Variants in RARG observed in about 807,000 individuals in gnomAD.
The protein encoded by RARG is RAR-gamma.
Under a neutral mutation model 43.7 loss-of-function variants are expected in RARG, and 17 were observed. The observed-to-expected ratio is 0.39, with a 90% confidence interval of 0.27 to 0.58. The LOEUF (loss-of-function observed/expected upper bound fraction) is 0.58, where lower values mean the gene tolerates loss of function less well. RARG is among the 20% of genes least tolerant of loss of function. RARG has a pLI of 0.57. For missense variants in RARG, 346 were observed against 598.7 expected, an observed-to-expected ratio of 0.58 and a Z score of 4.40; for synonymous variants, 238 against 236.4, an observed-to-expected ratio of 1.01 and a Z score of -0.06.
chr12:53,219,805 G>T, intron 3 of RARG: 2 of 696,662 alleles, frequency 2.9e-6, no homozygotes, highest in Non-Finnish European at 4.5e-6. Context: ...GAGACGCTGA[G>T]GCCCCCACGT....
In RARG at chr12:53,232,138, C is replaced by T. The variant is rs976387420; in HGVS notation, c.-374G>A. Reference sequence around the variant, plus strand: ...CCGGGGCCTCTCGGAGCCCGCCCGCCCACGTGACCGCCCCAAAATATCCGA... The same window carrying T: ...CCGGGGCCTCTCGGAGCCCGCCCGCTCACGTGACCGCCCCAAAATATCCGA... On this transcript the variant is annotated 5_prime_UTR_variant, in exon 1 of 10. Transcript: ENST00000425354. The T allele has an allele frequency of 6.8e-5, 27 of 398,484 alleles. No individual in the cohort carries two copies. In the Middle Eastern group the frequency reaches 1.9e-3, roughly 28 times the overall value. 24.7% of individuals were successfully genotyped at this position (398,484 alleles called of 1,614,324 possible).
Position 53,214,477 on chromosome 12 carries a change from G to A in RARG, c.605C>T (p.Pro202Leu), listed in dbSNP as rs1190599963. Residue 202 changes from proline to leucine, a missense_variant, in exon 6 of 10, where the codon CCC (proline) becomes CTC (leucine). By Grantham distance (98) the Pro-to-Leu change is moderately conservative. Transcript: ENST00000425354. ...KVSKAHQETFPSLCQLGKYTT... is the reference protein window; with the variant it reads ...KVSKAHQETFLSLCQLGKYTT... ...ATACTTGCCCAGCTGGCAGAGCGAGGGGAAAGTCTCCTGATGGGCTTTGCT... is the reference window on the plus strand; with the variant it reads ...ATACTTGCCCAGCTGGCAGAGCGAGAGGAAAGTCTCCTGATGGGCTTTGCT... 6.2e-7 allele frequency: 1 copy of A among 1,613,502 alleles called. No homozygotes were observed.
intron 3 of RARG, among the ~76,000 whole-genome samples, chr12:53,216,794 C>G (rs1199409510): frequency 6.6e-6 from 1 of 151,584 alleles, no homozygotes; most frequent in African/African-American, 2.4e-5. Flanking sequence ...AGGACATGCT[C>G]TGCTCTGTTC....
chr12:53,227,460 A>G lies in RARG; in HGVS notation c.86T>C (p.Phe29Ser), dbSNP rs1255854166. 6.2e-7 allele frequency: 1 copy of G among 1,610,510 alleles called. No homozygotes were observed. The highest frequency in any genetic ancestry group is 2.2e-5 in the East Asian group (1 of 44,506). Residue 29 changes from phenylalanine (F) to serine (S), a missense_variant, in exon 3 of 10, where the codon TTC becomes TCC. Phe to Ser is a radical substitution (Grantham distance 155, BLOSUM62 -2). Coordinates refer to ENST00000425354, the MANE Select transcript of RARG (RefSeq NM_000966.6). This position sits in a 1 kb window ranked among gnomAD's most constrained non-coding sequence, Gnocchi z 4.3. ...GYPGAGFPFA[F>S]PGALRGSPPF... ...CGGAGACCCCCTGAGTGCCCCTGGG[A>G]AGGCGAAGGGGAAACCTGCCCCTGG...
At position 53,214,086 on chromosome 12, in the gene RARG, C is replaced by A. The variant is rs1200928487; in HGVS notation, c.786G>T (p.Leu262=). ...GGATATCTAGGCAGGCAGCTTTGAGCAGAGTGATCTGGTCAGCAATGCTGA... is the reference window on the plus strand; with the variant it reads ...GGATATCTAGGCAGGCAGCTTTGAGAAGAGTGATCTGGTCAGCAATGCTGA... The part of the protein sequence containing the change: ...TGLSIADQIT[L]LKAACLDILM... Residue 262 remains leucine, a synonymous_variant, in exon 7 of 10, where the codon CTG becomes CTT. Transcript: ENST00000425354. 1.9e-6 allele frequency: 3 copies of A among 1,613,714 alleles called. No individual in the cohort carries two copies. The highest frequency in any genetic ancestry group is 2.7e-5 in the African/African-American group (2 of 74,894).
chr12:53,212,737 TACACACACACACACACAC>T (rs1160084920), intron 9 of RARG, among the ~76,000 whole-genome samples: 1 of 133,702 alleles, frequency 7.5e-6, no homozygotes, highest in Admixed American at 7.3e-5. Context: ...AATATATATA[TACACACACACACACACAC>T]ACACACACAC....
chr12:53,229,316 C>T, intron 2 of RARG, among the ~76,000 whole-genome samples: 1 of 152,150 alleles, frequency 6.6e-6, no homozygotes, highest in East Asian at 1.9e-4. Flanking sequence ...GGATGTATAG[C>T]TCTCAGTCTT....
rs1942748362 is a variant in RARG, at chr12:53,215,932, C to T, written c.185-138G>A. On this transcript the variant is annotated intron_variant, in intron 3 of 9. Transcript: ENST00000425354. This position sits in a 1 kb window ranked among gnomAD's most constrained non-coding sequence, Gnocchi z 6.4. ...CATCACTACCACAGTGCACTAGTTC[C>T]AGCAGTAAGCACTGTCAGAATCCTC... 8 of 929,320 alleles carry T rather than the reference C, an allele frequency of 8.6e-6. No homozygotes were observed. The highest frequency in any genetic ancestry group is 1.1e-5 in the Non-Finnish European group (7 of 642,100). The allele number at this position is 929,320 out of a possible 1,614,324, so 57.6% of individuals were successfully genotyped here.
At chr12:53,228,930 G>A (rs1253309498) in intron 2 of RARG, among the ~76,000 whole-genome samples, 1 of 152,074 alleles carries the variant, frequency 6.6e-6, no homozygotes, top group Admixed American at 6.6e-5. Context: ...AGTTCTCCCT[G>A]CAACCTCTCC....
In RARG at chr12:53,212,123, G is replaced by A. The variant is rs1386843623; in HGVS notation, c.1178-260C>T. On this transcript the variant is annotated intron_variant, in intron 9 of 9. Coordinates refer to ENST00000425354, the MANE Select transcript of RARG (RefSeq NM_000966.6). ...CTTTCAGGCTGTCTCTTCAGCGAGC[G>A]CAATGCACACAACTTCCAACCCCAC... Among the ~76,000 whole-genome samples the A allele has an allele frequency of 3.9e-5, 6 of 152,120 alleles. No homozygotes were observed. The South Asian group carries it at 8.3e-4, about 21-fold the overall frequency.
At chr12:53,226,388 C>A (rs976032482) in intron 3 of RARG, among the ~76,000 whole-genome samples, 2 of 152,144 alleles carry the variant, frequency 1.3e-5, no homozygotes, top group Non-Finnish European at 2.9e-5. Context: ...AGTGCAGTGG[C>A]ACGATCTCAG....
chr12:53,216,933 G>A (rs950811168), intron 3 of RARG, among the ~76,000 whole-genome samples: 3 of 151,842 alleles, frequency 2.0e-5, no homozygotes, highest in Non-Finnish European at 4.4e-5. Flanking sequence ...CCCAAACCTG[G>A]AGGGCCCAAG....
At position 53,215,521 on chromosome 12, in the gene RARG, T is replaced by C; in HGVS notation, c.334-87A>G. 1.9e-6 allele frequency: 3 copies of C among 1,594,900 alleles called. No homozygotes were observed. The highest frequency in any genetic ancestry group is 2.6e-6 in the Non-Finnish European group (3 of 1,166,406). On this transcript the variant is annotated intron_variant, in intron 4 of 9. Coordinates refer to ENST00000425354, the MANE Select transcript of RARG (RefSeq NM_000966.6). This position sits in a 1 kb window ranked among gnomAD's most constrained non-coding sequence, Gnocchi z 6.4. ...CTGGCCTTGCAGGTTGCCCCAAGCC[T>C]GACCTAATCTATTAACCACCTATGT...
At chr12:53,231,011 T>C (rs1943224368) in intron 2 of RARG, among the ~76,000 whole-genome samples, 158 bp downstream of exon 2, 1 of 152,092 alleles carries the variant, frequency 6.6e-6, no homozygotes, top group Non-Finnish European at 1.5e-5. Context: ...ACTCAGCATC[T>C]GACCCTAAGG....
chr12:53,215,880 T>C lies in RARG; in HGVS notation c.185-86A>G. 7.1e-7 allele frequency: 1 copy of C among 1,402,622 alleles called. No individual in the cohort carries two copies. The highest frequency in any genetic ancestry group is 1.4e-5 in the South Asian group (1 of 69,950). 86.9% of individuals were successfully genotyped at this position (1,402,622 alleles called of 1,614,324 possible). A position where few individuals can be genotyped will look rare whatever the true frequency, so the allele number is the denominator to read the frequency against. On this transcript the variant is annotated intron_variant, in intron 3 of 9. Coordinates refer to ENST00000425354, the MANE Select transcript of RARG (RefSeq NM_000966.6). This position sits in a 1 kb window ranked among gnomAD's most constrained non-coding sequence, Gnocchi z 6.4. ...CCTCATCACACACACCCCATGTGCA[T>C]TTGTTCCTTGGCCCACTGGTGACAG...
intron 9 of RARG, among the ~76,000 whole-genome samples, chr12:53,212,737 T>TATACACACAC (rs1272930364): frequency 2.2e-5 from 3 of 133,700 alleles, no homozygotes; most frequent in South Asian, 2.6e-4. Context: ...AATATATATA[T>TATACACACAC]ACACACACAC....
In RARG at chr12:53,214,214, C is replaced by T. The variant is rs887576106; in HGVS notation, c.658G>A (p.Val220Met). The change falls in exon 7 of 10, where the codon GTG becomes ATG. Residue 220 changes from valine (V) to methionine (M), a missense_variant. This residue lies in a region of RARG where 67 missense variants were observed against 79.6 expected (regional missense o/e 0.84). Transcript: ENST00000425354. ...YTTNSSADHR[V>M]QLDLGLWDKF... is the part of the protein sequence containing the mutation. Reference sequence around the variant, plus strand: ...TCCCACAGCCCCAGATCCAGCTGCACGCGGTGGTCTGCACTGGAGTTCTGC... The same window carrying T: ...TCCCACAGCCCCAGATCCAGCTGCATGCGGTGGTCTGCACTGGAGTTCTGC... The T allele has an allele frequency of 2.5e-6, 4 of 1,613,358 alleles. No homozygotes were observed. The highest frequency in any genetic ancestry group is 3.4e-6 in the Non-Finnish European group (4 of 1,179,442).
At chr12:53,221,615 AG>A (rs1360536935) in intron 3 of RARG, among the ~76,000 whole-genome samples, 1 of 152,058 alleles carries the variant, frequency 6.6e-6, no homozygotes, top group Non-Finnish European at 1.5e-5. Flanking sequence ...CCGGCGGAGA[AG>A]GGGGTGAGGT....
Position 53,213,632 on chromosome 12 carries a change from C to G in RARG, c.882G>C (p.Leu294=), listed in dbSNP as rs1942673195. 1 of 1,614,012 alleles carries G rather than the reference C, an allele frequency of 6.2e-7. No individual in the cohort carries two copies. Among genetic ancestry groups the G allele is most frequent in the Non-Finnish European group, 8.5e-7 (1 of 1,179,944 alleles). The stretch of plus-strand genomic sequence containing the variant: ...CGGCATTGTGCATCTGGGTCCGGTT[C>G]AGGGTCAGCCCGTCGGAGAAGGTCA... ...DTMTFSDGLT[L]NRTQMHNAGF... The change falls in exon 8 of 10, where the codon CTG becomes CTC. Residue 294 remains leucine, a synonymous_variant. Transcript: ENST00000425354. The surrounding 1 kb of genome is among the most constrained non-coding windows in gnomAD (Gnocchi z 4.7).
Sources: allele counts gnomAD v4.1 joint callset (sites outside exome capture counted in the v4.1 genomes callset), GRCh38; gene constraint gnomAD v4.1.1; regional missense constraint gnomAD v4.1.1; non-coding constraint Gnocchi (gnomAD v3.1); transcripts MANE v1.5; gene names NCBI Gene and HGNC (gene_info 2026-07-23, HGNC 2026-07-21).